The following SAR1B variants were observed in gnomAD, a reference collection of about 807,000 sequenced individuals.
SAR1B encodes secretion associated Ras related GTPase 1B, also known as small COPII coat GTPase SAR1B.
SAR1B carries 23 observed loss-of-function variants against 26.8 expected under a neutral mutation model. The ratio of observed to expected loss-of-function variants is 0.86; its 90% confidence interval spans 0.62 to 1.22. SAR1B has a LOEUF of 1.22. SAR1B is among the 50% of genes most tolerant of loss of function. The pLI, the probability that SAR1B is intolerant of heterozygous loss-of-function variation, is 0.00. For synonymous variants in SAR1B, 65 were observed against 80.8 expected (o/e 0.80, Z 1.05); for missense variants, 196 against 232.8 (o/e 0.84, Z 1.03).
Position 134,601,520 on chromosome 5 carries a change from T to G in SAR1B, c.*5430A>C. The G allele has an allele frequency of 6.6e-6, 1 of 152,206 alleles. No individual in the cohort carries two copies. 9.4% of individuals were successfully genotyped at this position (152,206 alleles called of 1,614,324 possible). ...CATGGAAAAACACTTTTATCACTTT[T>G]AAAGTAACTTGACTATGTTCACCCT... On this transcript the variant is annotated 3_prime_UTR_variant, in exon 7 of 7. Coordinates refer to ENST00000402673, the MANE Select transcript of SAR1B (RefSeq NM_016103.4).
chr5:134,620,143 G>C (rs929547075), intron 3 of SAR1B, among the ~76,000 whole-genome samples: 3 of 151,760 alleles, frequency 2.0e-5, no homozygotes, highest in Admixed American at 6.6e-5. Flanking sequence ...CGTCTCTACC[G>C]AAAATACAAA....
intron 1 of SAR1B, among the ~76,000 whole-genome samples, chr5:134,630,889 CTTTTTTTTTTT>C (rs781218368): frequency 4.3e-5 from 3 of 69,144 alleles, no homozygotes; most frequent in South Asian, 4.8e-4. Flanking sequence ...CTTTTTTTTT[CTTTTTTTTTTT>C]TTTTTTTTTT....
At chr5:134,618,628 A>G (rs1450215493) in intron 3 of SAR1B, among the ~76,000 whole-genome samples, 14 of 152,232 alleles carry the variant, frequency 9.2e-5, no homozygotes, top group Admixed American at 9.2e-4. Flanking sequence ...GTTTCTAATA[A>G]TTTACCCACT....
intron 3 of SAR1B, chr5:134,613,343 A>T (rs1161465668): frequency 6.6e-6 from 1 of 152,636 alleles, no homozygotes; most frequent in Non-Finnish European, 1.5e-5. Flanking sequence ...GAGGAAATTA[A>T]ATTTATGTTC....
rs1765298522 is a variant in SAR1B at position 134,615,629 on chromosome 5, C to T, written c.179-2873G>A. Among the ~76,000 whole-genome samples, 4 of 147,216 alleles carry T rather than the reference C, an allele frequency of 2.7e-5. No individual in the cohort carries two copies. The Admixed American group carries it at 2.7e-4, about 10-fold the overall frequency. On this transcript the variant is annotated intron_variant, in intron 3 of 6. Transcript: ENST00000402673. ...AGGAGATCGAGACCATCCTGGCTAA[C>T]ACGGTGAAACCCCGTCTCTACTAAA...
At chr5:134,619,215 G>A (rs1765363141) in intron 3 of SAR1B, among the ~76,000 whole-genome samples, 1 of 146,680 alleles carries the variant, frequency 6.8e-6, no homozygotes, top group Non-Finnish European at 1.5e-5. Flanking sequence ...CCTGTAATCT[G>A]AGCTACTTGG....
In SAR1B at chr5:134,605,659, C is replaced by CAAAAAAAAAAAAAAAAAAAAA. The variant is rs1026047463; in HGVS notation, c.*1270_*1290dup. On this transcript the variant is annotated 3_prime_UTR_variant, in exon 7 of 7. Coordinates refer to ENST00000402673, the MANE Select transcript of SAR1B (RefSeq NM_016103.4). Reference sequence around the variant, plus strand: ...GTCTCTAAAACAAAATGAAACAGAGCAAAAAAAAAAAAAAAAAAAAAGCCC... The same window carrying CAAAAAAAAAAAAAAAAAAAAA: ...GTCTCTAAAACAAAATGAAACAGAGCAAAAAAAAAAAAAAAAAAAAAAAAAAAAAAAAAAAAAAAAAAGCCC... The CAAAAAAAAAAAAAAAAAAAAA allele has an allele frequency of 2.6e-4, 9 of 35,012 alleles. No homozygotes were observed. The highest frequency in any genetic ancestry group is 4.7e-4 in the Non-Finnish European group (8 of 16,900). 2.2% of individuals were successfully genotyped at this position (35,012 alleles called of 1,614,324 possible).
At chr5:134,629,817 C>T (rs750949946) in intron 1 of SAR1B, among the ~76,000 whole-genome samples, 16 of 149,784 alleles carry the variant, frequency 1.1e-4, no homozygotes, top group Middle Eastern at 3.4e-3. Context: ...ACCCGGGAGA[C>T]GGAGGTTGCA....
chr5:134,610,002 T>C (rs1240032823), intron 4 of SAR1B, among the ~76,000 whole-genome samples: 1 of 151,458 alleles, frequency 6.6e-6, no homozygotes, highest in Non-Finnish European at 1.5e-5. Context: ...ATCTAAAATA[T>C]AAGCAGTAAA....
At chr5:134,624,180 G>C (rs1049824475) in intron 1 of SAR1B, 143 bp from the exon 2 acceptor site, 6 of 655,304 alleles carry the variant, frequency 9.2e-6, no homozygotes, top group Non-Finnish European at 1.7e-5. Flanking sequence ...AAGCTGAGGT[G>C]GGTGGATCAT....
In SAR1B at chr5:134,606,003, C is replaced by T. The variant is rs1765121481; in HGVS notation, c.*947G>A. The T allele has an allele frequency of 6.6e-6, 1 of 152,202 alleles. No individual in the cohort carries two copies. Among genetic ancestry groups the T allele is most frequent in the South Asian group, 2.1e-4 (1 of 4,836 alleles). The allele number at this position is 152,202 out of a possible 1,614,324, so 9.4% of individuals were successfully genotyped here. A position where few individuals can be genotyped will look rare whatever the true frequency, so the allele number is the denominator to read the frequency against. On this transcript the variant is annotated 3_prime_UTR_variant, in exon 7 of 7. Coordinates refer to ENST00000402673, the MANE Select transcript of SAR1B (RefSeq NM_016103.4). Reference sequence around the variant, plus strand: ...GTGGAGACACTGGTGCCTGTCATTGCTTTTGGGGAAGAGGCACAGATTACC... The same window carrying T: ...GTGGAGACACTGGTGCCTGTCATTGTTTTTGGGGAAGAGGCACAGATTACC...
chr5:134,602,342 T>C lies in SAR1B; in HGVS notation c.*4608A>G, dbSNP rs1238712191. 4 of 152,204 alleles carry C rather than the reference T, an allele frequency of 2.6e-5. No individual in the cohort carries two copies. The highest frequency in any genetic ancestry group is 5.9e-5 in the Non-Finnish European group (4 of 68,038). 9.4% of individuals were successfully genotyped at this position (152,204 alleles called of 1,614,324 possible). ...ATTAATTGGTTCAGAACTGCCTCTT[T>C]AATAGACTCTGTGGCTTCCCTTGAC... On this transcript the variant is annotated 3_prime_UTR_variant, in exon 7 of 7. Transcript: ENST00000402673.
chr5:134,613,863 A>C (rs1181573604), intron 3 of SAR1B: 1 of 152,168 alleles, frequency 6.6e-6, no homozygotes, highest in African/African-American at 2.4e-5. Flanking sequence ...ATGTTGTCTC[A>C]CCAGTCATTG....
At chr5:134,630,879 C>CT (rs1169258258) in intron 1 of SAR1B, among the ~76,000 whole-genome samples, 24 of 81,278 alleles carry the variant, frequency 3.0e-4, no homozygotes, top group Admixed American at 5.1e-4. Context: ...TTTTCTATTT[C>CT]TTTTTTTTTC....
intron 3 of SAR1B, chr5:134,615,052 T>C (rs1377498440): frequency 6.6e-6 from 1 of 152,248 alleles, no homozygotes; most frequent in Non-Finnish European, 1.5e-5. Flanking sequence ...TTTTATCTTC[T>C]TAAGAAATTC....
At chr5:134,619,284 T>C (rs1765364230) in intron 3 of SAR1B, among the ~76,000 whole-genome samples, 1 of 150,534 alleles carries the variant, frequency 6.6e-6, no homozygotes, top group African/African-American at 2.4e-5. Flanking sequence ...TGAGCCGAGA[T>C]CGTGCCATTG....
chr5:134,628,439 A>C (rs1474187054), intron 1 of SAR1B, among the ~76,000 whole-genome samples: 6 of 152,170 alleles, frequency 3.9e-5, no homozygotes, highest in African/African-American at 1.4e-4. Flanking sequence ...TCAGAGTATG[A>C]TTGTAGAATC....
Position 134,612,676 on chromosome 5 carries a change from A to AAAAAT in SAR1B, c.244+14_244+15insATTTT. 2.8e-6 allele frequency: 3 copies of AAAAAT among 1,088,990 alleles called. No homozygotes were observed. Among genetic ancestry groups the AAAAAT allele is most frequent in the Non-Finnish European group, 2.5e-6 (2 of 789,132 alleles). The allele number at this position is 1,088,990 out of a possible 1,614,324, so 67.5% of individuals were successfully genotyped here. ...AAAAAAAAAAAAAAAAAAAAAAAAA[A>AAAAAT]AAAAAGAATCTTACCTTGAACATGT... On this transcript the variant is annotated intron_variant, in intron 4 of 6. Transcript: ENST00000402673.
At chr5:134,623,425 G>A (rs1239341062) in intron 2 of SAR1B, among the ~76,000 whole-genome samples, 1 of 151,042 alleles carries the variant, frequency 6.6e-6, no homozygotes, top group African/African-American at 2.4e-5. Context: ...GGGCGACAGA[G>A]CGAGACTCCA....
Sources: allele counts gnomAD v4.1 joint callset (sites outside exome capture counted in the v4.1 genomes callset), GRCh38; gene constraint gnomAD v4.1.1; transcripts MANE v1.5; gene names NCBI Gene and HGNC (gene_info 2026-07-23, HGNC 2026-07-21).